Variants in ANKFN1 observed in about 807,000 individuals in gnomAD.
ANKFN1 encodes the protein ankyrin repeat and fibronectin type-III domain-containing protein 1.
In ANKFN1, 74 loss-of-function variants were observed where a neutral mutation model predicts 108.7. The observed-to-expected ratio is 0.68, with a 90% CI of 0.56 to 0.83. ANKFN1 has a LOEUF of 0.83. Among genes scored for constraint, ANKFN1 ranks in the 40% least tolerant of loss-of-function variants. The probability of loss-of-function intolerance (pLI) is 0.00; values close to 1 mark genes in which losing one functional copy is unlikely to be tolerated. For synonymous variants in ANKFN1, 547 were observed against 516.2 expected (o/e 1.06, Z -0.81); for missense variants, 1,505 against 1,382.3 (o/e 1.09, Z -1.41).
At chr17:56,223,903 T>A (rs937614813) in intron 2 of ANKFN1, among the ~76,000 whole-genome samples, 1 of 152,228 alleles carries the variant, frequency 6.6e-6, no homozygotes, top group Non-Finnish European at 1.5e-5. Flanking sequence ...TATCCTCCAA[T>A]AAGCACAACA....
intron 3 of ANKFN1, among the ~76,000 whole-genome samples, chr17:56,314,189 A>G (rs2045129481): frequency 6.6e-6 from 1 of 152,198 alleles, no homozygotes; most frequent in Non-Finnish European, 1.5e-5. Flanking sequence ...TATTCATGAT[A>G]TTTGGGCTAT....
intron 6 of ANKFN1, among the ~76,000 whole-genome samples, chr17:56,369,309 G>C (rs747730787): frequency 6.6e-6 from 1 of 152,114 alleles, no homozygotes; most frequent in African/African-American, 2.4e-5. Context: ...TAATGTCATA[G>C]ATAAGAAGCA....
chr17:56,281,314 A>C (rs972638513), intron 3 of ANKFN1, among the ~76,000 whole-genome samples: 2 of 152,178 alleles, frequency 1.3e-5, no homozygotes, highest in African/African-American at 4.8e-5. Flanking sequence ...AGGAAAAGAA[A>C]ATGTTTTCAA....
chr17:56,175,125 C>G (rs1911028863), intron 1 of ANKFN1, among the ~76,000 whole-genome samples: 1 of 152,128 alleles, frequency 6.6e-6, no homozygotes, highest in Non-Finnish European at 1.5e-5. Context: ...TACCATTATT[C>G]TTTGATGTCT....
chr17:56,207,886 G>C (rs114985263), intron 1 of ANKFN1, among the ~76,000 whole-genome samples: 210 of 152,262 alleles, frequency 1.4e-3, no homozygotes, highest in African/African-American at 4.7e-3. Context: ...AATATCCATA[G>C]TTTAAGCAAA....
At chr17:56,070,016 ACT>A (rs1016853514) in intron 4 of ANKFN1, among the ~76,000 whole-genome samples, 1 of 151,976 alleles carries the variant, frequency 6.6e-6, no homozygotes, top group Non-Finnish European at 1.5e-5. Context: ...ACTAGAGGTC[ACT>A]CTCTTGCCCA....
chr17:56,427,520 C>A (rs2048608004), intron 8 of ANKFN1, among the ~76,000 whole-genome samples: 1 of 152,116 alleles, frequency 6.6e-6, no homozygotes, highest in East Asian at 1.9e-4. Context: ...TCAGTACAAC[C>A]CCTTGTTCTG....
intron 3 of ANKFN1, among the ~76,000 whole-genome samples, chr17:56,322,566 T>C (rs1481142676): frequency 6.6e-6 from 1 of 152,188 alleles, no homozygotes; most frequent in Non-Finnish European, 1.5e-5. Flanking sequence ...TTCCATCAGC[T>C]CTTCCCTGCA....
chr17:56,456,934 G>A lies in ANKFN1; in HGVS notation c.1281G>A (p.Ser427=), dbSNP rs778594966. The change falls in exon 12 of 21, where the codon TCG becomes TCA. Residue 427 remains serine, a synonymous_variant. Coordinates refer to ENST00000682825, the MANE Select transcript of ANKFN1 (RefSeq NM_001370326.1). ...GCCTGAAACACCTGTTCCATTCCTC[G>A]AACAAGTTTGTGAAGACCTTAAAAC... is the stretch of plus-strand genomic sequence containing the variant. ...SRSLKHLFHS[S]NKFVKTLKRG... 1.4e-5 allele frequency: 23 copies of A among 1,613,896 alleles called. No homozygotes were observed. Among genetic ancestry groups the A allele is most frequent in the Admixed American group, 3.3e-5 (2 of 59,998 alleles).
At chr17:56,500,395 A>G (rs1170054858) in intron 20 of ANKFN1, among the ~76,000 whole-genome samples, 2 of 117,038 alleles carry the variant, frequency 1.7e-5, no homozygotes, top group Non-Finnish European at 4.3e-5. Flanking sequence ...GACTTACCAA[A>G]TAACAAAATA....
Position 56,480,788 on chromosome 17 carries a change from C to T in ANKFN1, c.2061C>T (p.Leu687=). The change falls in exon 17 of 21, where the codon CTC becomes CTT. Residue 687 remains leucine (L), a synonymous_variant. Coordinates refer to ENST00000682825, the MANE Select transcript of ANKFN1 (RefSeq NM_001370326.1). ...FYELQMAVKA[L]LQQINIPLHQ... ...AGCTCCAGATGGCAGTGAAAGCTCT[C>T]CTTCAGCAGATCAATATACCTCTAC... 1.2e-6 allele frequency: 2 copies of T among 1,613,910 alleles called. No individual in the cohort carries two copies. The highest frequency in any genetic ancestry group is 8.5e-7 in the Non-Finnish European group (1 of 1,179,952).
At chr17:56,167,348 T>G (rs116030430) in intron 1 of ANKFN1, among the ~76,000 whole-genome samples, 2,443 of 142,284 alleles carry the variant, frequency 0.017, 75 homozygotes, top group African/African-American at 0.059. Context: ...TATATGTAAT[T>G]GAAAACCTTG....
chr17:56,236,248 G>A (rs758987354), intron 3 of ANKFN1, among the ~76,000 whole-genome samples: 37 of 151,926 alleles, frequency 2.4e-4, no homozygotes, highest in African/African-American at 5.3e-4. Context: ...TAGTAGAGAC[G>A]TGGTTTCACC....
chr17:56,139,951 G>T (rs760336624), intron 4 of ANKFN1, among the ~76,000 whole-genome samples: 1 of 152,120 alleles, frequency 6.6e-6, no homozygotes, highest in Non-Finnish European at 1.5e-5. Context: ...CTTAACCTCT[G>T]CTCTTCTATC....
At chr17:56,402,486 A>G (rs2047792188) in intron 8 of ANKFN1, among the ~76,000 whole-genome samples, 1 of 152,138 alleles carries the variant, frequency 6.6e-6, no homozygotes, top group African/African-American at 2.4e-5. Context: ...AAAGATGTTC[A>G]TAGTAGCCTT....
intron 4 of ANKFN1, among the ~76,000 whole-genome samples, chr17:56,070,492 A>C (rs1012129467): frequency 6.6e-6 from 1 of 152,094 alleles, no homozygotes; most frequent in Non-Finnish European, 1.5e-5. Flanking sequence ...AGAATAATCT[A>C]CTCTGGAGAT....
chr17:56,127,339 ACT>A (rs1906997864), intron 4 of ANKFN1, among the ~76,000 whole-genome samples: 1 of 151,140 alleles, frequency 6.6e-6, no homozygotes, highest in African/African-American at 2.4e-5. Flanking sequence ...TTTTTGAGAG[ACT>A]CTTGCTCTGT....
chr17:56,263,854 C>G (rs551962907), intron 3 of ANKFN1, among the ~76,000 whole-genome samples: 36 of 152,298 alleles, frequency 2.4e-4, no homozygotes, highest in Non-Finnish European at 4.0e-4. Flanking sequence ...GTACCTTAAC[C>G]TCCATCCCAA....
At chr17:56,451,987 G>C (rs1354508373) in intron 11 of ANKFN1, among the ~76,000 whole-genome samples, 1 of 152,190 alleles carries the variant, frequency 6.6e-6, no homozygotes, top group Non-Finnish European at 1.5e-5. Flanking sequence ...GGCCAAAGCT[G>C]ATCTGCATGC....
Sources: allele counts gnomAD v4.1 joint callset (sites outside exome capture counted in the v4.1 genomes callset), GRCh38; gene constraint gnomAD v4.1.1; transcripts MANE v1.5; gene names NCBI Gene and HGNC (gene_info 2026-07-23, HGNC 2026-07-21).